LAMC3: variants seen among roughly 807,000 people sequenced by gnomAD.
LAMC3 encodes the protein laminin subunit gamma-3.
A neutral mutation model predicts 173.8 loss-of-function variants in LAMC3; 128 were observed. The observed-to-expected ratio is 0.74, with a 90% CI of 0.64 to 0.85. The LOEUF (loss-of-function observed/expected upper bound fraction) is 0.85, where lower values mean the gene tolerates loss of function less well. Among genes scored for constraint, LAMC3 ranks in the 40% least tolerant of loss-of-function variants. The probability of loss-of-function intolerance (pLI) is 0.00; values close to 1 mark genes in which losing one functional copy is unlikely to be tolerated. For missense variants in LAMC3, 2,022 were observed against 2,156.0 expected, an observed-to-expected ratio of 0.94 and a Z score of 1.23; for synonymous variants, 897 against 909.1, an observed-to-expected ratio of 0.99 and a Z score of 0.24.
At chr9:131,010,660 A>G (rs565498453) in intron 1 of LAMC3, among the ~76,000 whole-genome samples, 4 of 152,104 alleles carry the variant, frequency 2.6e-5, no homozygotes, top group African/African-American at 9.6e-5. Flanking sequence ...TGTGATGTTC[A>G]TCACTGCACA....
At chr9:131,020,459 CAAGATTGCCAAGTCTAAAAAAACAAA>C (rs1271160231) in intron 1 of LAMC3, among the ~76,000 whole-genome samples, 2 of 152,208 alleles carry the variant, frequency 1.3e-5, no homozygotes, top group Admixed American at 1.3e-4. Context: ...AAATATGAAT[CAAGATTGCCAAGTCTAAAAAAACAAA>C]AAGATTGCCA....
rs1374956463 is a variant in LAMC3, at chr9:131,072,674, G to A, written c.3256G>A (p.Ala1086Thr). The A allele has an allele frequency of 6.2e-7, 1 of 1,611,554 alleles. No homozygotes were observed. The highest frequency in any genetic ancestry group is 8.5e-7 in the Non-Finnish European group (1 of 1,179,856). ...FLEQMMSLEG[A>T]VKAAREQLQR... The stretch of plus-strand genomic sequence containing the variant: ...GGAGCAGATGATGAGCCTCGAGGGT[G>A]CTGTCAAGGCCGCCCGGGAGCAGCT... Residue 1086 changes from alanine (A) to threonine (T), a missense_variant, in exon 19 of 28, where the codon GCT becomes ACT. Physicochemically the swap from Ala to Thr is moderately conservative, Grantham distance 58 (BLOSUM62 0). Coordinates refer to ENST00000361069, the MANE Select transcript of LAMC3 (RefSeq NM_006059.4).
chr9:131,085,541 C>G lies in LAMC3; in HGVS notation c.4048C>G (p.Pro1350Ala). The G allele has an allele frequency of 6.2e-7, 1 of 1,613,948 alleles. No individual in the cohort carries two copies. Among genetic ancestry groups the G allele is most frequent in the Non-Finnish European group, 8.5e-7 (1 of 1,180,018 alleles). Residue 1350 changes from proline (P) to alanine (A), a missense_variant, in exon 25 of 28, where the codon CCC becomes GCC. Physicochemically the swap from Pro to Ala is conservative, Grantham distance 27. Coordinates refer to ENST00000361069, the MANE Select transcript of LAMC3 (RefSeq NM_006059.4). ...ADLEGMKLQF[P>A]RPKDQAALQR... ...GTTTGCAGGAATGAAGCTGCAGTTT[C>G]CCCGGCCCAAGGACCAGGCGGCATT...
intron 13 of LAMC3, among the ~76,000 whole-genome samples, chr9:131,066,345 G>T (rs1460718432): frequency 6.6e-6 from 1 of 151,674 alleles, no homozygotes; most frequent in Non-Finnish European, 1.5e-5. Flanking sequence ...ACAAAAATTA[G>T]CCAAGCATGG....
intron 8 of LAMC3, among the ~76,000 whole-genome samples, chr9:131,048,047 ATTTTTTT>A (rs59291636): frequency 5.6e-5 from 3 of 53,388 alleles, no homozygotes; most frequent in South Asian, 9.4e-4. Flanking sequence ...CACCCAGCTG[ATTTTTTT>A]TTTTTTTTTT....
At position 131,073,266 on chromosome 9, in the gene LAMC3, A is replaced by G; in HGVS notation, c.3439A>G (p.Ser1147Gly). ...ASLEIPQEGPSQPTKWSHLAT... is the reference protein window; with the variant it reads ...ASLEIPQEGPGQPTKWSHLAT... ...ACAGGAGATTCCTCAGGAAGGTCCC[A>G]GTCAGCCGACCAAATGGAGCCACCT... is the stretch of plus-strand genomic sequence containing the variant. The change falls in exon 20 of 28, where the codon AGT becomes GGT. Residue 1147 changes from serine (S) to glycine (G), a missense_variant. Ser to Gly is a moderately conservative substitution (Grantham distance 56). Transcript: ENST00000361069. 3.7e-6 allele frequency: 6 copies of G among 1,613,666 alleles called. No individual in the cohort carries two copies. Among genetic ancestry groups the G allele is most frequent in the Non-Finnish European group, 5.1e-6 (6 of 1,179,942 alleles).
rs778402563 is a variant in LAMC3, at chr9:131,032,159, T to G, written c.793T>G (p.Phe265Val). 11 of 1,594,970 alleles carry G rather than the reference T, an allele frequency of 6.9e-6. No individual in the cohort carries two copies. In the South Asian group the frequency reaches 1.2e-4, roughly 18 times the overall value. The change falls in exon 3 of 28, where the codon TTC becomes GTC. Residue 265 changes from phenylalanine (F) to valine (V), a missense_variant. Transcript: ENST00000361069. ...LQSYYYAVSD[F>V]SVGGRCKCNG... ...GTCCTACTATTATGCCGTGTCCGAC[T>G]TCTCTGTGGGCGGCAGGTAGGAGGG...
chr9:131,025,481 T>G, intron 1 of LAMC3, among the ~76,000 whole-genome samples: 5 of 146,382 alleles, frequency 3.4e-5, no homozygotes, highest in Non-Finnish European at 3.0e-5. Flanking sequence ...TGTGGGGGAG[T>G]GGGGCTAAAG....
chr9:131,077,414 C>T lies in LAMC3; in HGVS notation c.3777+80C>T, dbSNP rs532088282. The T allele has an allele frequency of 1.6e-4, 249 of 1,560,092 alleles. 1 individual carries two copies. Among genetic ancestry groups the T allele is most frequent in the Admixed American group, 2.2e-4 (13 of 58,810 alleles). Reference sequence around the variant, plus strand: ...GCTGGAGGCTGGGCACGGTGGCTCACGCCTGTAATCGCAGCACTTTGGGAG... The same window carrying T: ...GCTGGAGGCTGGGCACGGTGGCTCATGCCTGTAATCGCAGCACTTTGGGAG... On this transcript the variant is annotated intron_variant, in intron 22 of 27. Coordinates refer to ENST00000361069, the MANE Select transcript of LAMC3 (RefSeq NM_006059.4).
In LAMC3 at chr9:131,092,151, T is replaced by C; in HGVS notation, c.*364T>C. ...AGCTTACGGTCCACACACATTACAGTCCACAGCTGTTGTGAGAGCCACCTG... is the reference window on the plus strand; with the variant it reads ...AGCTTACGGTCCACACACATTACAGCCCACAGCTGTTGTGAGAGCCACCTG... On this transcript the variant is annotated 3_prime_UTR_variant, in exon 28 of 28. Transcript: ENST00000361069. 1 of 322,662 alleles carries C rather than the reference T, an allele frequency of 3.1e-6. No individual in the cohort carries two copies. The highest frequency in any genetic ancestry group is 3.2e-5 in the South Asian group (1 of 31,346). The allele number at this position is 322,662 out of a possible 1,614,324, so 20.0% of individuals were successfully genotyped here.
rs533618360 is a variant in LAMC3 at position 131,036,344 on chromosome 9, A to G, written c.976+12A>G. 2 of 1,612,446 alleles carry G rather than the reference A, an allele frequency of 1.2e-6. No individual in the cohort carries two copies. The highest frequency in any genetic ancestry group is 2.7e-5 in the African/African-American group (2 of 74,824). ...CCACGAGTGTCTGCGTGAGTGTCTG[A>G]GTGTCACAGGGCATCAGGGACCCGA... On this transcript the variant is annotated intron_variant, in intron 4 of 27. Transcript: ENST00000361069.
chr9:131,050,758 A>T (rs1474916057), intron 9 of LAMC3, among the ~76,000 whole-genome samples: 3 of 140,218 alleles, frequency 2.1e-5, no homozygotes, highest in Non-Finnish European at 4.6e-5. Context: ...ACAGAGTGAG[A>T]CTCCATCTCC....
chr9:131,032,941 T>C (rs1833871046), intron 3 of LAMC3, among the ~76,000 whole-genome samples: 1 of 152,236 alleles, frequency 6.6e-6, no homozygotes, highest in Admixed American at 6.5e-5. Flanking sequence ...GTGCTGGGAT[T>C]ACAGGCATGA....
chr9:131,052,141 T>C (rs780100873), intron 9 of LAMC3, among the ~76,000 whole-genome samples: 5 of 152,212 alleles, frequency 3.3e-5, no homozygotes, highest in Admixed American at 6.5e-5. Flanking sequence ...TCGTGAATGC[T>C]ACACATGAGC....
At chr9:131,041,139 G>A (rs1034119099) in intron 6 of LAMC3, among the ~76,000 whole-genome samples, 3 of 152,114 alleles carry the variant, frequency 2.0e-5, no homozygotes, top group African/African-American at 7.2e-5. Flanking sequence ...GGCCAAGGCA[G>A]GTGGATCACC....
chr9:131,070,257 C>G (rs1357875866), intron 17 of LAMC3, among the ~76,000 whole-genome samples: 1 of 152,216 alleles, frequency 6.6e-6, no homozygotes, highest in Non-Finnish European at 1.5e-5. Context: ...GGGTTCCCCT[C>G]CCCCAACTCC....
At chr9:131,034,168 G>T (rs1301476468) in intron 3 of LAMC3, among the ~76,000 whole-genome samples, 1 of 152,176 alleles carries the variant, frequency 6.6e-6, no homozygotes, top group African/African-American at 2.4e-5. Context: ...GGGGACAGGT[G>T]GCCCCAACAG....
chr9:131,013,982 T>C (rs2133203392), intron 1 of LAMC3, among the ~76,000 whole-genome samples: 1 of 152,278 alleles, frequency 6.6e-6, no homozygotes, highest in East Asian at 1.9e-4. Context: ...TCCCTGGGGG[T>C]TCTGGCTGGA....
intron 7 of LAMC3, among the ~76,000 whole-genome samples, chr9:131,042,721 G>A (rs10901325): frequency 0.75 from 113,507 of 151,558 alleles, 42,698 homozygotes; most frequent in Non-Finnish European, 0.79. Context: ...GCCATGGCAG[G>A]CATCACTAAT....
Sources: gnomAD v4.1 joint callset for allele counts (sites outside exome capture counted in the v4.1 genomes callset) on GRCh38, gnomAD v4.1.1 for gene constraint, MANE v1.5 for transcripts, NCBI Gene and HGNC (gene_info 2026-07-23, HGNC 2026-07-21) for gene names.